The following L3MBTL3 variants were observed in gnomAD, a reference collection of about 807,000 sequenced individuals.
L3MBTL3 encodes L3MBTL histone methyl-lysine binding protein 3, also known as lethal(3)malignant brain tumor-like protein 3.
L3MBTL3 carries 27 observed loss-of-function variants against 102.3 expected under a neutral mutation model. The ratio of observed to expected loss-of-function variants is 0.26; its 90% CI spans 0.19 to 0.36. The LOEUF (loss-of-function observed/expected upper bound fraction) is 0.36, where lower values mean the gene tolerates loss of function less well. Ranked by LOEUF, L3MBTL3 falls within the 10% of genes least tolerant of loss-of-function variation. The pLI, the probability that L3MBTL3 is intolerant of heterozygous loss-of-function variation, is 1.00. For synonymous variants in L3MBTL3, 340 were observed against 320.9 expected (o/e 1.06, Z -0.64); for missense variants, 798 against 955.3 (o/e 0.84, Z 2.17).
chr6:130,023,084 C>T lies in L3MBTL3; in HGVS notation c.-16+779C>T, dbSNP rs532680874. Among the ~76,000 whole-genome samples the T allele has an allele frequency of 1.9e-4, 29 of 152,114 alleles. No individual in the cohort carries two copies. In the South Asian group the frequency reaches 6.0e-3, roughly 32 times the overall value. On this transcript the variant is annotated intron_variant, in intron 2 of 22. Coordinates refer to ENST00000361794, the MANE Select transcript of L3MBTL3 (RefSeq NM_032438.4). Reference sequence around the variant, plus strand: ...CTTTTTTTTTCTTCCTTTAATCTTCCCCTCTCCTTTTCTGCCTGTTTTCCT... The same window carrying T: ...CTTTTTTTTTCTTCCTTTAATCTTCTCCTCTCCTTTTCTGCCTGTTTTCCT...
intron 7 of L3MBTL3, among the ~76,000 whole-genome samples, chr6:130,053,375 C>T (rs1279350790): frequency 6.6e-6 from 1 of 152,138 alleles, no homozygotes; most frequent in African/African-American, 2.4e-5. Flanking sequence ...GTGGCTCATG[C>T]CTGTAATCCC....
At position 130,141,163 on chromosome 6, in the gene L3MBTL3, G is replaced by C. The variant is rs373534532; in HGVS notation, c.*1410G>C. On this transcript the variant is annotated 3_prime_UTR_variant, in exon 23 of 23. Coordinates refer to ENST00000361794, the MANE Select transcript of L3MBTL3 (RefSeq NM_032438.4). ...TTTGTAGCATGCTGTCTGAATTCTG[G>C]GGTAAGTTCCACCTCTTCTTTAGTT... 7.2e-5 allele frequency: 11 copies of C among 152,246 alleles called. No individual in the cohort carries two copies. In the East Asian group the frequency reaches 2.1e-3, roughly 29 times the overall value. The allele number at this position is 152,246 out of a possible 1,614,324, so 9.4% of individuals were successfully genotyped here.
At chr6:130,029,971 G>A (rs1562249203) in intron 2 of L3MBTL3, among the ~76,000 whole-genome samples, 2 of 152,078 alleles carry the variant, frequency 1.3e-5, no homozygotes, top group Non-Finnish European at 2.9e-5. Flanking sequence ...CTAGAGGCAT[G>A]CACCACCACG....
intron 13 of L3MBTL3, among the ~76,000 whole-genome samples, chr6:130,075,614 A>G (rs1376407101): frequency 6.6e-6 from 1 of 152,178 alleles, no homozygotes; most frequent in East Asian, 1.9e-4. Context: ...TAAGCAGAGA[A>G]GTTTAGTGCT....
Position 130,071,070 on chromosome 6 carries a change from T to C in L3MBTL3, c.1187T>C (p.Met396Thr). ...SFICVATVTD[M>T]VDNRFLVHFD... ...ATCTGTGTTGCTACGGTAACAGATA[T>C]GGTGGACAATCGTTTCCTGGTACAT... The change falls in exon 13 of 23, where the codon ATG becomes ACG. Residue 396 changes from methionine (M) to threonine (T), a missense_variant. Met to Thr is a moderately conservative substitution (Grantham distance 81). Transcript: ENST00000361794. 1.2e-6 allele frequency: 2 copies of C among 1,613,300 alleles called. No individual in the cohort carries two copies. Among genetic ancestry groups the C allele is most frequent in the African/African-American group, 1.3e-5 (1 of 75,002 alleles).
intron 2 of L3MBTL3, among the ~76,000 whole-genome samples, chr6:130,023,401 A>G (rs900117097): frequency 1.3e-5 from 2 of 152,214 alleles, no homozygotes; most frequent in Non-Finnish European, 2.9e-5. Context: ...AAGGTCCTGC[A>G]GACAACTAGG....
At chr6:130,020,832 C>T (rs1353188736) in intron 1 of L3MBTL3, among the ~76,000 whole-genome samples, 1 of 151,616 alleles carries the variant, frequency 6.6e-6, no homozygotes, top group Non-Finnish European at 1.5e-5. Context: ...CCTCACCGCC[C>T]CCACCCCCAA....
At chr6:130,139,117 A>G (rs1404299026) in intron 22 of L3MBTL3, among the ~76,000 whole-genome samples, 3 of 152,070 alleles carry the variant, frequency 2.0e-5, no homozygotes, top group Admixed American at 1.3e-4. Context: ...TGGCCACACT[A>G]GAGATAAGTG....
At chr6:130,119,066 C>T (rs1785935768) in intron 19 of L3MBTL3, among the ~76,000 whole-genome samples, 2 of 151,984 alleles carry the variant, frequency 1.3e-5, no homozygotes, top group Admixed American at 6.6e-5. Flanking sequence ...AAAAGGGTAA[C>T]TGCTGATTAT....
chr6:130,049,642 A>G (rs888746102), intron 4 of L3MBTL3, 114 bp from the exon 5 acceptor site: 3 of 1,172,402 alleles, frequency 2.6e-6, no homozygotes, highest in African/African-American at 3.0e-5. Flanking sequence ...AAGTAAATCC[A>G]TGTTGTAGCC....
chr6:130,049,827 A>G lies in L3MBTL3; in HGVS notation c.286A>G (p.Thr96Ala). ...AYWTSPPGCP[T>A]VFSEKTGMPF... ...CTGGACATCTCCACCTGGATGTCCC[A>G]CAGGTACCTCAAACTCCACATGTCT... Residue 96 changes from threonine to alanine, a missense_variant, in exon 5 of 23, where the codon ACA becomes GCA. Around this residue, in one of 4 missense-constraint regions of L3MBTL3, gnomAD observed 434 missense variants for 506.6 expected, o/e 0.86. Transcript: ENST00000361794. The G allele has an allele frequency of 6.2e-7, 1 of 1,612,180 alleles. No homozygotes were observed. The highest frequency in any genetic ancestry group is 8.5e-7 in the Non-Finnish European group (1 of 1,179,280).
chr6:130,081,867 A>G (rs1209228354), intron 14 of L3MBTL3, among the ~76,000 whole-genome samples: 1 of 152,202 alleles, frequency 6.6e-6, no homozygotes, highest in African/African-American at 2.4e-5. Flanking sequence ...TATTCCTAGC[A>G]AAAGGATCTC....
intron 2 of L3MBTL3, among the ~76,000 whole-genome samples, chr6:130,036,598 T>C (rs1461450239): frequency 5.9e-5 from 9 of 152,238 alleles, no homozygotes; most frequent in Admixed American, 5.9e-4. Context: ...TCTGCTACTT[T>C]CTATTCCTCC....
chr6:130,024,682 A>T (rs767648278), intron 2 of L3MBTL3, among the ~76,000 whole-genome samples: 63 of 152,256 alleles, frequency 4.1e-4, no homozygotes, highest in Non-Finnish European at 3.7e-4. Flanking sequence ...AACTTGAGTG[A>T]TCCCTGCGGT....
chr6:130,106,915 T>G (rs532456990), intron 19 of L3MBTL3, among the ~76,000 whole-genome samples: 1 of 152,330 alleles, frequency 6.6e-6, no homozygotes, highest in African/African-American at 2.4e-5. Flanking sequence ...CATGCCACAT[T>G]ACTAGTAATC....
intron 20 of L3MBTL3, among the ~76,000 whole-genome samples, chr6:130,123,486 T>C (rs1227324475): frequency 2.6e-5 from 4 of 152,188 alleles, no homozygotes; most frequent in African/African-American, 9.6e-5. Flanking sequence ...CACATATTTT[T>C]ATAGGTGAGA....
chr6:130,115,026 C>A (rs1241145515), intron 19 of L3MBTL3, among the ~76,000 whole-genome samples: 27 of 148,796 alleles, frequency 1.8e-4, no homozygotes, highest in African/African-American at 6.5e-4. Flanking sequence ...GAGTAAGTCA[C>A]AGCTCAGAAA....
intron 20 of L3MBTL3, among the ~76,000 whole-genome samples, chr6:130,132,010 G>A (rs1176787486): frequency 6.6e-6 from 1 of 152,186 alleles, no homozygotes; most frequent in East Asian, 1.9e-4. Context: ...CCCAGCTCCT[G>A]CTCAAGATGG....
At chr6:130,035,338 TGA>T (rs1779989954) in intron 2 of L3MBTL3, among the ~76,000 whole-genome samples, 2 of 152,118 alleles carry the variant, frequency 1.3e-5, no homozygotes, top group Admixed American at 6.5e-5. Context: ...TTTATTTACA[TGA>T]GAGAGTGAGG....
Sources: allele counts gnomAD v4.1 joint callset (sites outside exome capture counted in the v4.1 genomes callset), GRCh38; gene constraint gnomAD v4.1.1; regional missense constraint gnomAD v4.1.1; transcripts MANE v1.5; gene names NCBI Gene and HGNC (gene_info 2026-07-23, HGNC 2026-07-21).